MRPL20: variants seen among roughly 807,000 people sequenced by gnomAD.
MRPL20 encodes mitochondrial ribosomal protein L20.
Under a neutral mutation model 20.0 loss-of-function variants are expected in MRPL20, and 21 were observed. That is an observed-to-expected ratio of 1.05 (90% CI 0.74 to 1.51). The LOEUF (loss-of-function observed/expected upper bound fraction) is 1.51. Ranked by LOEUF, MRPL20 falls within the 40% of genes most tolerant of loss-of-function variation. The pLI is 0.00. For missense variants in MRPL20, 252 were observed against 185.6 expected (o/e 1.36, Z -2.08); for synonymous variants, 104 against 73.0 (o/e 1.43, Z -2.17).
chr1:1,405,955 T>C (rs1387261265), intron 2 of MRPL20, 69 bp from the exon 3 acceptor site: 3 of 1,553,234 alleles, frequency 1.9e-6, no homozygotes, highest in East Asian at 4.5e-5. Flanking sequence ...AAGCCTCTAA[T>C]TGATCTAAAG....
At chr1:1,403,253 CTTTT>C (rs757604106) in intron 3 of MRPL20, among the ~76,000 whole-genome samples, 41 of 142,052 alleles carry the variant, frequency 2.9e-4, no homozygotes, top group Admixed American at 1.4e-4. Context: ...TTCTTTCTTT[CTTTT>C]TTTTGAAACA....
chr1:1,406,669 C>T, intron 2 of MRPL20: 1 of 552,168 alleles, frequency 1.8e-6, no homozygotes, highest in South Asian at 2.0e-5. Flanking sequence ...GTCAAGGCGG[C>T]TCTGCAGTGG....
Position 1,407,289 on chromosome 1 carries a change from G to C in MRPL20, c.-72C>G. 2.9e-6 allele frequency: 4 copies of C among 1,370,426 alleles called. No individual in the cohort carries two copies. Among genetic ancestry groups the C allele is most frequent in the Non-Finnish European group, 2.0e-6 (2 of 991,274 alleles). The allele number at this position is 1,370,426 out of a possible 1,614,324, so 84.9% of individuals were successfully genotyped here. ...CGCCGCTGCCATCTTGCCCGGGTCG[G>C]AAATGGTGGTCACGAGCGCTTCCGG... is the stretch of plus-strand genomic sequence containing the variant. On this transcript the variant is annotated 5_prime_UTR_variant, in exon 1 of 4. Transcript: ENST00000344843.
At chr1:1,404,199 C>G (rs1359419253) in intron 3 of MRPL20, among the ~76,000 whole-genome samples, 7 of 150,158 alleles carry the variant, frequency 4.7e-5, no homozygotes, top group East Asian at 3.9e-4. Context: ...TGTCGACCAG[C>G]CTGGAGTGCA....
chr1:1,402,293 G>A (rs1282610559), intron 3 of MRPL20, 37 bp from the exon 4 acceptor site: 1 of 1,583,198 alleles, frequency 6.3e-7, no homozygotes, highest in Non-Finnish European at 8.6e-7. Flanking sequence ...CTGTCAGTGT[G>A]AGACACACAC....
intron 2 of MRPL20, 145 bp from the exon 3 acceptor site, chr1:1,406,031 C>T (rs1278285946): frequency 1.0e-5 from 12 of 1,190,814 alleles, no homozygotes; most frequent in East Asian, 5.1e-5. Context: ...CTGGCCTAAG[C>T]GAAATCAAGA....
chr1:1,407,258 G>T lies in MRPL20; in HGVS notation c.-41C>A, dbSNP rs1213139503. The T allele has an allele frequency of 6.0e-6, 9 of 1,507,494 alleles. 1 individual carries two copies. The South Asian group carries it at 9.4e-5, about 16-fold the overall frequency. 93.4% of individuals were successfully genotyped at this position (1,507,494 alleles called of 1,614,324 possible). A position where few individuals can be genotyped will look rare whatever the true frequency, so the allele number is the denominator to read the frequency against. On this transcript the variant is annotated 5_prime_UTR_variant, in exon 1 of 4. Transcript: ENST00000344843. ...GCGTCCCGAACACTCAACAACGCAC[G>T]CGCAGCGCCGCTGCCATCTTGCCCG... is the stretch of plus-strand genomic sequence containing the variant.
rs377661127 is a variant in MRPL20, at chr1:1,407,257, C to G, written c.-40G>C. The G allele has an allele frequency of 2.5e-5, 37 of 1,509,378 alleles. No individual in the cohort carries two copies. The highest frequency in any genetic ancestry group is 1.8e-6 in the Non-Finnish European group (2 of 1,108,224). 93.5% of individuals were successfully genotyped at this position (1,509,378 alleles called of 1,614,324 possible). A position where few individuals can be genotyped will look rare whatever the true frequency, so the allele number is the denominator to read the frequency against. ...GGCGTCCCGAACACTCAACAACGCA[C>G]GCGCAGCGCCGCTGCCATCTTGCCC... On this transcript the variant is annotated 5_prime_UTR_variant, in exon 1 of 4. Transcript: ENST00000344843.
At chr1:1,405,540 T>C in intron 3 of MRPL20, 1 of 632,302 alleles carries the variant, frequency 1.6e-6, no homozygotes, top group African/African-American at 1.8e-5. Flanking sequence ...AACATGGGAA[T>C]TGTGACCTGC....
At chr1:1,406,745 CCA>C (rs776867479) in intron 2 of MRPL20, 162 bp downstream of exon 2, 288 of 669,098 alleles carry the variant, frequency 4.3e-4, no homozygotes, top group Non-Finnish European at 6.2e-4. Context: ...AACGGATGTC[CCA>C]CAGTTTGCCT....
At position 1,401,925 on chromosome 1, in the gene MRPL20, T is replaced by C. The variant is rs1321224673; in HGVS notation, c.*158A>G. The stretch of plus-strand genomic sequence containing the variant: ...TCTAAAAACTGAAGAGTGTTTGAGT[T>C]TCATTCACACAAAACATGGACATCA... On this transcript the variant is annotated 3_prime_UTR_variant, in exon 4 of 4. Transcript: ENST00000344843. The C allele has an allele frequency of 2.3e-6, 2 of 865,624 alleles. No homozygotes were observed. Among genetic ancestry groups the C allele is most frequent in the African/African-American group, 1.7e-5 (1 of 59,068 alleles). The allele number at this position is 865,624 out of a possible 1,614,324, so 53.6% of individuals were successfully genotyped here.
chr1:1,404,673 C>T (rs917008302), intron 3 of MRPL20, among the ~76,000 whole-genome samples: 5 of 148,688 alleles, frequency 3.4e-5, no homozygotes, highest in South Asian at 2.2e-4. Flanking sequence ...GCTAATTTTT[C>T]GTATTTTTAG....
Position 1,401,916 on chromosome 1 carries a change from T to A in MRPL20, c.*167A>T. Reference sequence around the variant, plus strand: ...GAAAATGACTCTAAAAACTGAAGAGTGTTTGAGTTTCATTCACACAAAACA... The same window carrying A: ...GAAAATGACTCTAAAAACTGAAGAGAGTTTGAGTTTCATTCACACAAAACA... On this transcript the variant is annotated 3_prime_UTR_variant, in exon 4 of 4. Transcript: ENST00000344843. 1.3e-6 allele frequency: 1 copy of A among 780,566 alleles called. No individual in the cohort carries two copies. The highest frequency in any genetic ancestry group is 2.7e-5 in the East Asian group (1 of 37,676). The allele number at this position is 780,566 out of a possible 1,614,324, so 48.4% of individuals were successfully genotyped here. A position where few individuals can be genotyped will look rare whatever the true frequency, so the allele number is the denominator to read the frequency against.
At position 1,404,258 on chromosome 1, in the gene MRPL20, A is replaced by G. The variant is rs1271142576; in HGVS notation, c.276+1551T>C. Among the ~76,000 whole-genome samples, 3 of 150,148 alleles carry G rather than the reference A, an allele frequency of 2.0e-5. No individual in the cohort carries two copies. In the East Asian group the frequency reaches 5.9e-4, roughly 29 times the overall value. On this transcript the variant is annotated intron_variant, in intron 3 of 3. Transcript: ENST00000344843. ...AATCTCCGTCTCCCGGGTTCACGCC[A>G]TTCTCCTGCCTCAGCCTCCCGAGTA...
intron 3 of MRPL20, 59 bp from the exon 4 acceptor site, chr1:1,402,315 G>A (rs377106107): frequency 8.5e-6 from 13 of 1,535,426 alleles, no homozygotes; most frequent in Non-Finnish European, 1.0e-5. Context: ...CCGGCTCCGC[G>A]TGGTTGCGGC....
intron 3 of MRPL20, among the ~76,000 whole-genome samples, chr1:1,404,369 T>C (rs925630787): frequency 2.0e-5 from 3 of 151,946 alleles, no homozygotes; most frequent in Admixed American, 2.0e-4. Flanking sequence ...TTAGCCAGGA[T>C]GGTCTCGATC....
intron 3 of MRPL20, among the ~76,000 whole-genome samples, chr1:1,404,077 G>A (rs1472674113): frequency 6.6e-6 from 1 of 151,632 alleles, no homozygotes; most frequent in Non-Finnish European, 1.5e-5. Context: ...GATGTCAGGT[G>A]ATCAGCCCGC....
rs1645373816 is a variant in MRPL20 at position 1,405,463 on chromosome 1, G to C, written c.276+346C>G. The C allele has an allele frequency of 5.0e-6, 3 of 595,042 alleles. No homozygotes were observed. In the South Asian group the frequency reaches 6.1e-5, roughly 12 times the overall value. 36.9% of individuals were successfully genotyped at this position (595,042 alleles called of 1,614,324 possible). A position where few individuals can be genotyped will look rare whatever the true frequency, so the allele number is the denominator to read the frequency against. Reference sequence around the variant, plus strand: ...CCAGCAAATTTTATTTTTTTGTAGAGAGTGGTCTCACTATGTTGCCCAGGC... The same window carrying C: ...CCAGCAAATTTTATTTTTTTGTAGACAGTGGTCTCACTATGTTGCCCAGGC... On this transcript the variant is annotated intron_variant, in intron 3 of 3. Coordinates refer to ENST00000344843, the MANE Select transcript of MRPL20 (RefSeq NM_017971.4).
At position 1,402,155 on chromosome 1, in the gene MRPL20, T is replaced by C; in HGVS notation, c.378A>G (p.Glu126=). ...CATCCCCCAAGGCAGCAGCAAATCCTTCGTGTCGCCTCCTACTGGCCAAGG... is the reference window on the plus strand; with the variant it reads ...CATCCCCCAAGGCAGCAGCAAATCCCTCGTGTCGCCTCCTACTGGCCAAGG... The part of the protein sequence containing the change: ...LAALASRRRH[E]GFAAALGDGK... Residue 126 remains glutamate, a synonymous_variant, in exon 4 of 4, where the codon GAA becomes GAG. Transcript: ENST00000344843. The C allele has an allele frequency of 6.2e-7, 1 of 1,614,126 alleles. No homozygotes were observed. Among genetic ancestry groups the C allele is most frequent in the Non-Finnish European group, 8.5e-7 (1 of 1,180,024 alleles).
Sources: gnomAD v4.1 joint callset for allele counts (sites outside exome capture counted in the v4.1 genomes callset) on GRCh38, gnomAD v4.1.1 for gene constraint, MANE v1.5 for transcripts, NCBI Gene and HGNC (gene_info 2026-07-23, HGNC 2026-07-21) for gene names.